The following TPTE variants were observed in gnomAD, a reference collection of about 807,000 sequenced individuals.
TPTE encodes putative tyrosine-protein phosphatase TPTE.
A neutral mutation model predicts 84.1 loss-of-function variants in TPTE; 59 were observed. The ratio of observed to expected loss-of-function variants is 0.70; its 90% CI spans 0.57 to 0.87. The LOEUF is 0.87. Among genes scored for constraint, TPTE ranks in the 40% least tolerant of loss-of-function variants. The pLI, the probability that TPTE is intolerant of heterozygous loss-of-function variation, is 0.00. For missense variants in TPTE, 382 were observed against 659.6 expected, an observed-to-expected ratio of 0.58 and a Z score of 4.61; for synonymous variants, 130 against 223.5, an observed-to-expected ratio of 0.58 and a Z score of 3.73.
chr21:10,525,482 A>C (rs1163854674), intron 2 of TPTE, among the ~76,000 whole-genome samples: 1 of 152,312 alleles, frequency 6.6e-6, no homozygotes, highest in Non-Finnish European at 1.5e-5. Flanking sequence ...AAAGTGCGGA[A>C]AGCTTACAGA....
At chr21:10,561,326 T>G in intron 10 of TPTE, 135 bp downstream of exon 10, 1 of 1,246,816 alleles carries the variant, frequency 8.0e-7, no homozygotes, top group Non-Finnish European at 1.1e-6. Flanking sequence ...ACCCCGTCTC[T>G]ACTAAAAATA....
intron 7 of TPTE, among the ~76,000 whole-genome samples, chr21:10,550,592 A>T (rs1329704886): frequency 6.6e-6 from 1 of 152,312 alleles, no homozygotes. Context: ...GCACCTAGAT[A>T]TATAAAGCGA....
intron 3 of TPTE, among the ~76,000 whole-genome samples, chr21:10,533,114 A>G (rs973200091): frequency 2.0e-5 from 3 of 152,304 alleles, no homozygotes; most frequent in South Asian, 2.1e-4. Context: ...TTTATCCTCC[A>G]TAACATTCTT....
At chr21:10,539,823 A>G (rs1430579873) in intron 4 of TPTE, among the ~76,000 whole-genome samples, 1 of 152,304 alleles carries the variant, frequency 6.6e-6, no homozygotes, top group Non-Finnish European at 1.5e-5. Flanking sequence ...CAGCCTGGCC[A>G]ACATGGTGAA....
intron 13 of TPTE, among the ~76,000 whole-genome samples, chr21:10,570,026 G>T (rs1318104104): frequency 5.9e-5 from 9 of 152,292 alleles, no homozygotes; most frequent in African/African-American, 2.2e-4. Context: ...AGTTATTTCT[G>T]AGTCCCAGGG....
chr21:10,569,274 T>C (rs1436698955), intron 11 of TPTE, among the ~76,000 whole-genome samples, 163 bp from the exon 12 acceptor site: 3 of 152,302 alleles, frequency 2.0e-5, no homozygotes, highest in African/African-American at 7.2e-5. Context: ...ACGCCAGTGG[T>C]GAAAACCTAA....
intron 14 of TPTE, among the ~76,000 whole-genome samples, chr21:10,575,582 G>A (rs2075133673): frequency 6.6e-6 from 1 of 152,308 alleles, no homozygotes; most frequent in East Asian, 1.9e-4. Flanking sequence ...CCCAACAGGG[G>A]TCTCCAGCCA....
intron 20 of TPTE, among the ~76,000 whole-genome samples, chr21:10,596,850 A>G (rs2075598285): frequency 1.3e-5 from 2 of 152,430 alleles, no homozygotes; most frequent in East Asian, 1.9e-4. Flanking sequence ...CATTTCACTG[A>G]TTTCTGGTAG....
intron 20 of TPTE, among the ~76,000 whole-genome samples, chr21:10,597,580 A>C (rs1196978148): frequency 6.6e-6 from 1 of 152,302 alleles, no homozygotes; most frequent in Non-Finnish European, 1.5e-5. Context: ...ACGCCTGGCT[A>C]ATTTTTGTAT....
At chr21:10,556,267 C>T (rs1234467429) in intron 8 of TPTE, among the ~76,000 whole-genome samples, 2 of 152,310 alleles carry the variant, frequency 1.3e-5, no homozygotes, top group Admixed American at 6.5e-5. Flanking sequence ...TGTTCAATTC[C>T]CACCTATGAG....
chr21:10,577,973 G>T (rs2075193166), intron 15 of TPTE, among the ~76,000 whole-genome samples: 1 of 152,310 alleles, frequency 6.6e-6, no homozygotes, highest in Non-Finnish European at 1.5e-5. Flanking sequence ...TGTCTCTCTT[G>T]ATTTTTTCCT....
chr21:10,547,141 T>G (rs952033028), intron 7 of TPTE, among the ~76,000 whole-genome samples: 5 of 152,304 alleles, frequency 3.3e-5, no homozygotes, highest in African/African-American at 1.2e-4. Flanking sequence ...CATTGACTAT[T>G]CTGAAAATCC....
intron 21 of TPTE, among the ~76,000 whole-genome samples, chr21:10,601,406 G>C (rs1600991392): frequency 6.6e-6 from 1 of 152,312 alleles, no homozygotes; most frequent in African/African-American, 2.4e-5. Context: ...GGGAGGCTGA[G>C]GCTGGAGAAT....
At chr21:10,542,583 C>CCATCCATT (rs1488005062) in intron 6 of TPTE, 135 bp downstream of exon 6, 7 of 1,254,744 alleles carry the variant, frequency 5.6e-6, no homozygotes, top group Middle Eastern at 2.0e-4. Flanking sequence ...ATCCATCCAT[C>CCATCCATT]CATCCATTCA....
chr21:10,580,528 A>T (rs2075253292), intron 17 of TPTE, among the ~76,000 whole-genome samples: 1 of 152,308 alleles, frequency 6.6e-6, no homozygotes, highest in Non-Finnish European at 1.5e-5. Flanking sequence ...ATTTTTGTAT[A>T]TTGGGTGAGA....
chr21:10,559,872 TAAAAAAA>T (rs61583687), intron 9 of TPTE, among the ~76,000 whole-genome samples: 1 of 117,120 alleles, frequency 8.5e-6, no homozygotes, highest in African/African-American at 3.0e-5. Context: ...AGACTCCATG[TAAAAAAA>T]AAAAAAAAAA....
chr21:10,548,189 A>T (rs1332541086), intron 7 of TPTE, among the ~76,000 whole-genome samples: 1 of 152,296 alleles, frequency 6.6e-6, no homozygotes, highest in Non-Finnish European at 1.5e-5. Context: ...CAGGGCCGAG[A>T]AACAACCCTG....
chr21:10,576,842 T>TAC (rs1367309012), intron 14 of TPTE, among the ~76,000 whole-genome samples: 1 of 1,404 alleles, frequency 7.1e-4, no homozygotes. Flanking sequence ...TATATACATA[T>TAC]ATATATATAT....
intron 21 of TPTE, among the ~76,000 whole-genome samples, chr21:10,601,500 CAAAAA>C (rs568600238): frequency 6.7e-6 from 1 of 149,540 alleles, no homozygotes; most frequent in Non-Finnish European, 1.5e-5. Context: ...CTGTCTCAAA[CAAAAA>C]AAAAAGAAAA....
Sources: allele counts gnomAD v4.1 joint callset (sites outside exome capture counted in the v4.1 genomes callset), GRCh38; gene constraint gnomAD v4.1.1; transcripts MANE v1.5; gene names NCBI Gene and HGNC (gene_info 2026-07-23, HGNC 2026-07-21).